Variants in BLK observed in about 807,000 individuals in gnomAD.
The protein encoded by BLK is BLK proto-oncogene, Src family tyrosine kinase, also known as tyrosine-protein kinase Blk.
In BLK, 64 loss-of-function variants were observed where a neutral mutation model predicts 61.8. The ratio of observed to expected loss-of-function variants is 1.03; its 90% CI spans 0.85 to 1.27. The LOEUF is 1.27. Ranked by LOEUF, BLK falls within the 50% of genes most tolerant of loss-of-function variation. BLK has a pLI of 0.00. For synonymous variants in BLK, 351 were observed against 272.0 expected (o/e 1.29, Z -2.86); for missense variants, 853 against 660.5 (o/e 1.29, Z -3.19).
In BLK at chr8:11,554,741, A is replaced by G. The variant is rs749462471; in HGVS notation, c.473-2A>G. ...TCGTGTGTGTCTTCATGAACCCTCC[A>G]GGTGCCTTCTCCCTGTCTGTGAAGG... On this transcript the variant is annotated splice_acceptor_variant, in intron 6 of 12. Transcript: ENST00000259089. LOFTEE classifies it high-confidence loss of function. 27 of 1,613,224 alleles carry G rather than the reference A, an allele frequency of 1.7e-5. No individual in the cohort carries two copies. Among genetic ancestry groups the G allele is most frequent in the Non-Finnish European group, 2.0e-5 (24 of 1,180,022 alleles).
At chr8:11,530,466 A>C (rs1799840093) in intron 1 of BLK, among the ~76,000 whole-genome samples, 1 of 152,224 alleles carries the variant, frequency 6.6e-6, no homozygotes, top group Non-Finnish European at 1.5e-5. Flanking sequence ...TTTCAGTCAA[A>C]GCCTTGGTAA....
chr8:11,527,020 A>T (rs6986103), intron 1 of BLK, among the ~76,000 whole-genome samples: 1,711 of 152,202 alleles, frequency 0.011, 25 homozygotes, highest in African/African-American at 0.039. Context: ...TATTTCTTAT[A>T]ACTCATGTCA....
In BLK at chr8:11,543,218, C is replaced by T. The variant is rs1348905340; in HGVS notation, c.-1-6C>T. On this transcript the variant is annotated splice_polypyrimidine_tract_variant and splice_region_variant and intron_variant, in intron 1 of 12. Coordinates refer to ENST00000259089, the MANE Select transcript of BLK (RefSeq NM_001715.3). ...ATGTCCTCTGTCTGCTGTGTGTCTC[C>T]GACAGGATGGGGCTGGTAAGTAGCA... 4.3e-6 allele frequency: 7 copies of T among 1,613,646 alleles called. No individual in the cohort carries two copies. The highest frequency in any genetic ancestry group is 2.2e-5 in the South Asian group (2 of 91,052).
chr8:11,515,305 G>A (rs1041214419), intron 1 of BLK, among the ~76,000 whole-genome samples: 5 of 152,100 alleles, frequency 3.3e-5, no homozygotes, highest in African/African-American at 9.7e-5. Flanking sequence ...CTTGACCTCC[G>A]TCAGTCTTCA....
chr8:11,549,143 C>G, intron 5 of BLK, 21 bp downstream of exon 5: 2 of 1,571,488 alleles, frequency 1.3e-6, no homozygotes, highest in Non-Finnish European at 1.7e-6. Flanking sequence ...ACGGGAACCC[C>G]CCTCGAGCCA....
Position 11,564,340 on chromosome 8 carries a change from A to G in BLK, c.*232A>G. On this transcript the variant is annotated 3_prime_UTR_variant, in exon 13 of 13. Transcript: ENST00000259089. ...GCCGCTTCATTTGTAGAGGGCTGTA[A>G]CAGTGACCTCGCACGGTCATCCGGA... The G allele has an allele frequency of 1.4e-6, 1 of 701,542 alleles. No homozygotes were observed. The highest frequency in any genetic ancestry group is 2.6e-6 in the Non-Finnish European group (1 of 386,004). The allele number at this position is 701,542 out of a possible 1,614,324, so 43.5% of individuals were successfully genotyped here.
chr8:11,508,114 G>C (rs1335850792), intron 1 of BLK, among the ~76,000 whole-genome samples: 6 of 152,222 alleles, frequency 3.9e-5, no homozygotes, highest in Admixed American at 3.9e-4. Context: ...GGCTGGGAAG[G>C]ACTAGAGCCA....
At chr8:11,532,914 G>T (rs75538722) in intron 1 of BLK, among the ~76,000 whole-genome samples, 1,617 of 152,336 alleles carry the variant, frequency 0.011, 23 homozygotes, top group African/African-American at 0.037. Context: ...TTGAATAACA[G>T]TTCTGTGACT....
At chr8:11,529,767 A>G (rs1192941711) in intron 1 of BLK, among the ~76,000 whole-genome samples, 1 of 152,224 alleles carries the variant, frequency 6.6e-6, no homozygotes, top group Non-Finnish European at 1.5e-5. Context: ...ATGACCAAGG[A>G]CAGCTTGGAG....
intron 1 of BLK, among the ~76,000 whole-genome samples, chr8:11,532,740 G>T (rs139458974): frequency 6.7e-4 from 102 of 152,310 alleles, no homozygotes; most frequent in African/African-American, 2.3e-3. Flanking sequence ...CTAGTTGAGA[G>T]TCATGTTTTT....
intron 1 of BLK, among the ~76,000 whole-genome samples, chr8:11,505,363 G>A (rs557007653): frequency 1.3e-5 from 2 of 152,222 alleles, no homozygotes; most frequent in East Asian, 3.9e-4. Context: ...CCTGGAGAAG[G>A]GAGACAGCAC....
chr8:11,558,915 G>A (rs1184409023), intron 10 of BLK: 2 of 455,288 alleles, frequency 4.4e-6, no homozygotes, highest in Non-Finnish European at 8.8e-6. Context: ...GCCTTACCCA[G>A]TAGCGCCGCT....
At chr8:11,559,506 AACTCAC>A (rs60800268) in intron 10 of BLK, among the ~76,000 whole-genome samples, 1,711 of 121,114 alleles carry the variant, frequency 0.014, 20 homozygotes, top group African/African-American at 0.046. Flanking sequence ...CAAACTCACA[AACTCAC>A]ACACACAAAC....
chr8:11,522,515 A>G (rs1799494973), intron 1 of BLK, among the ~76,000 whole-genome samples: 1 of 152,214 alleles, frequency 6.6e-6, no homozygotes, highest in Non-Finnish European at 1.5e-5. Flanking sequence ...TAAATTAAAT[A>G]TCTAAATTCC....
intron 1 of BLK, among the ~76,000 whole-genome samples, chr8:11,508,786 G>C (rs1018092333): frequency 6.6e-6 from 1 of 152,232 alleles, no homozygotes; most frequent in Non-Finnish European, 1.5e-5. Context: ...ACGCAACTGT[G>C]ATGGGGGCCG....
chr8:11,535,447 C>T (rs536191379), intron 1 of BLK, among the ~76,000 whole-genome samples: 5 of 152,208 alleles, frequency 3.3e-5, no homozygotes, highest in African/African-American at 4.8e-5. Flanking sequence ...GTTTTCTGAA[C>T]GTGTTTTCTA....
intron 1 of BLK, among the ~76,000 whole-genome samples, chr8:11,495,741 G>A (rs1050853531): frequency 6.6e-6 from 1 of 152,178 alleles, no homozygotes; most frequent in Admixed American, 6.5e-5. Context: ...GGATCCTAAA[G>A]CAACACCGCA....
At chr8:11,507,998 G>C (rs1205352388) in intron 1 of BLK, among the ~76,000 whole-genome samples, 1 of 152,128 alleles carries the variant, frequency 6.6e-6, no homozygotes, top group African/African-American at 2.4e-5. Context: ...AGGCACACTG[G>C]TCAAGTAGGG....
intron 1 of BLK, among the ~76,000 whole-genome samples, chr8:11,518,996 C>T (rs543641812): frequency 3.3e-5 from 5 of 152,128 alleles, no homozygotes; most frequent in African/African-American, 1.2e-4. Flanking sequence ...GATTCTGTCC[C>T]GTCATCCTGT....
Sources: gnomAD v4.1 joint callset for allele counts (sites outside exome capture counted in the v4.1 genomes callset) on GRCh38, gnomAD v4.1.1 for gene constraint, MANE v1.5 for transcripts, NCBI Gene and HGNC (gene_info 2026-07-23, HGNC 2026-07-21) for gene names.